SGCZ: variants seen among roughly 807,000 people sequenced by gnomAD.
SGCZ encodes the protein zeta-sarcoglycan.
A neutral mutation model predicts 41.3 loss-of-function variants in SGCZ; 40 were observed. The ratio of observed to expected loss-of-function variants is 0.97; its 90% CI spans 0.75 to 1.26. The LOEUF is 1.26. Ranked by LOEUF, SGCZ falls within the 50% of genes most tolerant of loss-of-function variation. The pLI, the probability that SGCZ is intolerant of heterozygous loss-of-function variation, is 0.00. For synonymous variants in SGCZ, 206 were observed against 137.5 expected, an observed-to-expected ratio of 1.50 and a Z score of -3.49; for missense variants, 552 against 369.8, an observed-to-expected ratio of 1.49 and a Z score of -4.04.
intron 1 of SGCZ, among the ~76,000 whole-genome samples, chr8:14,641,044 G>A (rs1192663069): frequency 6.6e-6 from 1 of 151,540 alleles, no homozygotes; most frequent in East Asian, 1.9e-4. Context: ...ATTATAAACA[G>A]GAAGGTATAC....
At chr8:15,051,445 G>A (rs749589991) in intron 1 of SGCZ, among the ~76,000 whole-genome samples, 1 of 151,822 alleles carries the variant, frequency 6.6e-6, no homozygotes, top group Admixed American at 6.6e-5. Flanking sequence ...TACATTTGAA[G>A]CCTGTTATAA....
intron 4 of SGCZ, among the ~76,000 whole-genome samples, chr8:14,166,973 C>A (rs1052644456): frequency 6.6e-6 from 1 of 152,110 alleles, no homozygotes; most frequent in South Asian, 2.1e-4. Flanking sequence ...ATTCATACTG[C>A]AGACTACACT....
At chr8:14,480,134 T>C (rs1024347213) in intron 2 of SGCZ, among the ~76,000 whole-genome samples, 14 of 152,230 alleles carry the variant, frequency 9.2e-5, no homozygotes, top group Admixed American at 6.5e-4. Flanking sequence ...CATTCAGGCT[T>C]ATATTCTTCT....
chr8:14,875,847 G>T (rs536041690), intron 1 of SGCZ, among the ~76,000 whole-genome samples: 1 of 152,082 alleles, frequency 6.6e-6, no homozygotes, highest in Admixed American at 6.6e-5. Context: ...CAATTTAGTT[G>T]GTTGAAAAAT....
intron 1 of SGCZ, among the ~76,000 whole-genome samples, chr8:14,589,463 G>A (rs1490588859): frequency 6.6e-6 from 1 of 151,922 alleles, no homozygotes; most frequent in African/African-American, 2.4e-5. Context: ...AAAAAAACAT[G>A]TATTAGATTT....
chr8:14,257,579 C>A (rs1799511004), intron 3 of SGCZ, among the ~76,000 whole-genome samples: 1 of 151,622 alleles, frequency 6.6e-6, no homozygotes, highest in South Asian at 2.1e-4. Flanking sequence ...GTGTGCTGCA[C>A]CCATTAACTC....
chr8:14,589,892 T>A (rs1805185788), intron 1 of SGCZ, among the ~76,000 whole-genome samples: 1 of 152,192 alleles, frequency 6.6e-6, no homozygotes, highest in Non-Finnish European at 1.5e-5. Context: ...TGACAGAATT[T>A]GAAACAAACT....
rs559922840 is a variant in SGCZ, at chr8:14,794,208, G to C, written c.40-239282C>G. ...CCAATAAAAAATTATCCAAACCAAA[G>C]TCTCTGATGTGGAAGGTAAAAAATA... On this transcript the variant is annotated intron_variant, in intron 1 of 7. Transcript: ENST00000382080. Among the ~76,000 whole-genome samples the C allele has an allele frequency of 2.0e-5, 3 of 152,164 alleles. No individual in the cohort carries two copies. In the East Asian group the frequency reaches 5.8e-4, roughly 29 times the overall value.
chr8:14,102,823 G>GTATACTTGCTAAAATTTTTAATAACTT (rs1802075573), intron 6 of SGCZ, among the ~76,000 whole-genome samples: 1 of 152,102 alleles, frequency 6.6e-6, no homozygotes, highest in Non-Finnish European at 1.5e-5. Context: ...GGTGTGATAA[G>GTATACTTGCTAAAATTTTTAATAACTT]TATACTTGCT....
At chr8:14,203,999 A>G (rs1296922033) in intron 4 of SGCZ, among the ~76,000 whole-genome samples, 3 of 151,986 alleles carry the variant, frequency 2.0e-5, no homozygotes, top group Non-Finnish European at 4.4e-5. Context: ...TCCAAGAAGA[A>G]AGAATAATAT....
intron 1 of SGCZ, among the ~76,000 whole-genome samples, chr8:14,664,805 C>T (rs1453984605): frequency 6.6e-6 from 1 of 152,226 alleles, no homozygotes; most frequent in East Asian, 1.9e-4. Flanking sequence ...TGGTTTTTCT[C>T]TGAGAAACAT....
chr8:14,300,041 G>T (rs373753486), intron 3 of SGCZ, among the ~76,000 whole-genome samples: 1 of 151,928 alleles, frequency 6.6e-6, no homozygotes, highest in Non-Finnish European at 1.5e-5. Flanking sequence ...CTATGGTTTT[G>T]TAAGTCTGAA....
intron 1 of SGCZ, among the ~76,000 whole-genome samples, chr8:14,733,609 G>T (rs547453715): frequency 6.6e-6 from 1 of 152,100 alleles, no homozygotes; most frequent in Non-Finnish European, 1.5e-5. Flanking sequence ...TGTTTTGTGA[G>T]ATTTTATATC....
rs113813675 is a variant in SGCZ, at chr8:15,206,777, A to ATT, written c.39+30806_39+30807dup. ...GAGTCTTTAATGAGCAACTAAAGAG[A>ATT]TTTTTTTTTTCTATTGTAGGAGTCA... On this transcript the variant is annotated intron_variant, in intron 1 of 7. Transcript: ENST00000382080. Among the ~76,000 whole-genome samples the ATT allele has an allele frequency of 1.3e-4, 20 of 150,414 alleles. No individual in the cohort carries two copies. The South Asian group carries it at 3.8e-3, about 29-fold the overall frequency.
At chr8:15,036,369 C>T (rs139441928) in intron 1 of SGCZ, among the ~76,000 whole-genome samples, 115 of 152,070 alleles carry the variant, frequency 7.6e-4, no homozygotes, top group African/African-American at 2.7e-3. Flanking sequence ...CACATGGACA[C>T]ACAGAGGGGA....
intron 1 of SGCZ, among the ~76,000 whole-genome samples, chr8:15,076,754 ATT>A (rs35515934): frequency 2.4e-4 from 32 of 133,498 alleles, no homozygotes; most frequent in Admixed American, 2.3e-4. Context: ...AGTCTCTCTC[ATT>A]TTTTTTTTTT....
intron 2 of SGCZ, among the ~76,000 whole-genome samples, chr8:14,527,063 CA>C (rs112121734): frequency 0.096 from 14,633 of 151,916 alleles, 1,333 homozygotes; most frequent in African/African-American, 0.24. Context: ...AAAAAGATCC[CA>C]GCCCTCACTA....
Position 14,635,942 on chromosome 8 carries a change from T to C in SGCZ, c.40-81016A>G, listed in dbSNP as rs74668311. ...GCTGCCGATATGCTGTGAGTTAATA[T>C]AGTAGGTGCTGTGTTGGCACAATTA... is the stretch of plus-strand genomic sequence containing the variant. On this transcript the variant is annotated intron_variant, in intron 1 of 7. Coordinates refer to ENST00000382080, the MANE Select transcript of SGCZ (RefSeq NM_139167.4). Among the ~76,000 whole-genome samples, 936 of 152,074 alleles carry C rather than the reference T, an allele frequency of 6.2e-3. 11 individuals carry two copies. Among genetic ancestry groups the C allele is most frequent in the African/African-American group, 0.021 (880 of 41,528 alleles).
At chr8:15,193,505 T>C (rs1800609909) in intron 1 of SGCZ, among the ~76,000 whole-genome samples, 1 of 152,118 alleles carries the variant, frequency 6.6e-6, no homozygotes, top group South Asian at 2.1e-4. Flanking sequence ...ACTTTGGAGA[T>C]GAAAAATATT....
Sources: gnomAD v4.1 joint callset for allele counts (sites outside exome capture counted in the v4.1 genomes callset) on GRCh38, gnomAD v4.1.1 for gene constraint, MANE v1.5 for transcripts, NCBI Gene and HGNC (gene_info 2026-07-23, HGNC 2026-07-21) for gene names.